RB1CC1: variants seen among roughly 807,000 people sequenced by gnomAD.
The protein encoded by RB1CC1 is RB1 inducible coiled-coil 1.
In RB1CC1, 46 loss-of-function variants were observed where a neutral mutation model predicts 177.5. That is an observed-to-expected ratio of 0.26 (90% CI 0.20 to 0.33). The LOEUF (loss-of-function observed/expected upper bound fraction) is 0.33. Ranked by LOEUF, RB1CC1 falls within the 10% of genes least tolerant of loss-of-function variation. The pLI is 1.00. For missense variants in RB1CC1, 1,703 were observed against 1,816.3 expected (o/e 0.94, Z 1.13); for synonymous variants, 666 against 613.6 (o/e 1.09, Z -1.26).
At chr8:52,695,025 A>G (rs1279011446) in intron 1 of RB1CC1, among the ~76,000 whole-genome samples, 1 of 152,200 alleles carries the variant, frequency 6.6e-6, no homozygotes, top group African/African-American at 2.4e-5. Context: ...CAATAGATAA[A>G]TAGGCAAAGG....
At chr8:52,686,149 G>A (rs533340201) in intron 2 of RB1CC1, 15 of 152,200 alleles carry the variant, frequency 9.9e-5, no homozygotes, top group South Asian at 2.1e-4. Flanking sequence ...AGTAGCAAGT[G>A]TACAGGTCTG....
At chr8:52,709,975 C>G (rs1484968407) in intron 1 of RB1CC1, among the ~76,000 whole-genome samples, 1 of 152,214 alleles carries the variant, frequency 6.6e-6, no homozygotes, top group Non-Finnish European at 1.5e-5. Context: ...CTAAAGTGGA[C>G]TAAAAGCTTC....
chr8:52,635,615 ATTTTTG>A (rs1233794210), intron 19 of RB1CC1, among the ~76,000 whole-genome samples: 4 of 152,080 alleles, frequency 2.6e-5, no homozygotes, highest in African/African-American at 9.6e-5. Flanking sequence ...TTCATTACTT[ATTTTTG>A]TTTTTGCCAA....
chr8:52,624,699 A>G lies in RB1CC1; in HGVS notation c.4707+18T>C. ...CTTTACAGTTCCCAGGCTTAGTATC[A>G]CATGATGTCGTTTTTACCTTTTTGG... is the stretch of plus-strand genomic sequence containing the variant. On this transcript the variant is annotated intron_variant, in intron 23 of 23. Transcript: ENST00000025008. 6.4e-7 allele frequency: 1 copy of G among 1,552,770 alleles called. No homozygotes were observed. Among genetic ancestry groups the G allele is most frequent in the Non-Finnish European group, 8.9e-7 (1 of 1,126,212 alleles).
Position 52,642,522 on chromosome 8 carries a change from A to ACTT in RB1CC1, c.4163_4165dup (p.Glu1388dup). 6.2e-7 allele frequency: 1 copy of ACTT among 1,614,004 alleles called. No individual in the cohort carries two copies. Among genetic ancestry groups the ACTT allele is most frequent in the Non-Finnish European group, 8.5e-7 (1 of 1,179,966 alleles). On this transcript the variant is annotated inframe_insertion, in exon 18 of 24. Coordinates refer to ENST00000025008, the MANE Select transcript of RB1CC1 (RefSeq NM_014781.5). ...AAAACTGCTACTACGCAACTTACTG[A>ACTT]CTTCTTCTTCAAGCTTTTTCTTTTC...
At chr8:52,645,381 C>T (rs1417525329) in intron 16 of RB1CC1, among the ~76,000 whole-genome samples, 1 of 152,100 alleles carries the variant, frequency 6.6e-6, no homozygotes, top group Non-Finnish European at 1.5e-5. Flanking sequence ...ATGATCTACC[C>T]AAGATCACAT....
intron 18 of RB1CC1, among the ~76,000 whole-genome samples, chr8:52,639,626 G>A (rs1456749549): frequency 6.6e-6 from 1 of 152,114 alleles, no homozygotes; most frequent in Non-Finnish European, 1.5e-5. Context: ...ATAAAAAGAA[G>A]TTCCCATCTA....
chr8:52,638,240 A>G (rs893874118), intron 18 of RB1CC1, among the ~76,000 whole-genome samples: 12 of 152,130 alleles, frequency 7.9e-5, no homozygotes, highest in Non-Finnish European at 1.8e-4. Flanking sequence ...TGAGATAATC[A>G]TGTGTTTTTC....
chr8:52,691,675 GCATCTTTAAT>G (rs1408265695), intron 1 of RB1CC1, among the ~76,000 whole-genome samples: 1 of 152,112 alleles, frequency 6.6e-6, no homozygotes, highest in East Asian at 1.9e-4. Context: ...CCTAAGACTG[GCATCTTTAAT>G]CAGAAGCCTC....
chr8:52,682,642 C>T (rs552038794), intron 5 of RB1CC1, among the ~76,000 whole-genome samples: 1 of 151,776 alleles, frequency 6.6e-6, no homozygotes, highest in South Asian at 2.1e-4. Context: ...TATCCTTTAA[C>T]TTATTTTCAT....
chr8:52,630,643 G>A lies in RB1CC1; in HGVS notation c.4441-115C>T. 2.0e-6 allele frequency: 2 copies of A among 1,002,156 alleles called. 1 individual carries two copies. Among genetic ancestry groups the A allele is most frequent in the Non-Finnish European group, 2.7e-6 (2 of 729,178 alleles). 62.1% of individuals were successfully genotyped at this position (1,002,156 alleles called of 1,614,324 possible). On this transcript the variant is annotated intron_variant, in intron 20 of 23. Transcript: ENST00000025008. ...TCAAGCCTGTGTCCAGCTTTAAAGAGCCCAAACTAATATAGTTCTTATGTT... is the reference window on the plus strand; with the variant it reads ...TCAAGCCTGTGTCCAGCTTTAAAGAACCCAAACTAATATAGTTCTTATGTT...
chr8:52,628,196 CTTAGAG>C, intron 21 of RB1CC1, 28 bp from the exon 22 acceptor site: 1 of 1,592,914 alleles, frequency 6.3e-7, no homozygotes, highest in Non-Finnish European at 8.6e-7. Flanking sequence ...ATTTTATTGA[CTTAGAG>C]TTACTTTCAA....
intron 8 of RB1CC1, among the ~76,000 whole-genome samples, chr8:52,664,693 C>G (rs1851921768): frequency 6.6e-6 from 1 of 152,052 alleles, no homozygotes; most frequent in Non-Finnish European, 1.5e-5. Context: ...GTTAAATGGT[C>G]AGATTTAGAA....
intron 6 of RB1CC1, 151 bp downstream of exon 6, chr8:52,676,218 C>T (rs1216798398): frequency 4.6e-6 from 3 of 648,568 alleles, no homozygotes; most frequent in Admixed American, 3.6e-5. Flanking sequence ...AAAACTATAA[C>T]CTACAAATCA....
intron 5 of RB1CC1, among the ~76,000 whole-genome samples, chr8:52,682,525 C>T (rs1363912470): frequency 6.6e-6 from 1 of 151,950 alleles, no homozygotes; most frequent in Admixed American, 6.6e-5. Context: ...TCCTGATATA[C>T]GTATTTCTGA....
Position 52,657,832 on chromosome 8 carries a change from G to A in RB1CC1, c.1997C>T (p.Thr666Ile). ...CAGTGGTGGAGGAGTTCTCGGTGAG[G>A]TAGTAGTTGTAATTCCTGCTGTACT... ...MESTAGITTT[T>I]SPRTPPPLTV... The change falls in exon 15 of 24, where the codon ACC (threonine) becomes ATC (isoleucine). Residue 666 changes from threonine to isoleucine, a missense_variant. By Grantham distance (89) the Thr-to-Ile change is moderately conservative. Around this residue, in one of 6 missense-constraint regions of RB1CC1, gnomAD observed 1,169 missense variants for 1,184.7 expected, o/e 0.99. Transcript: ENST00000025008. The A allele has an allele frequency of 6.2e-7, 1 of 1,613,994 alleles. No homozygotes were observed. Among genetic ancestry groups the A allele is most frequent in the Non-Finnish European group, 8.5e-7 (1 of 1,180,002 alleles).
In RB1CC1 at chr8:52,642,476, A is replaced by T; in HGVS notation, c.4212T>A (p.Ala1404=). ...AAGCTCCATAAAGTTCTGGGGCTGT[A>T]GCTACATATGGTGAAGGAACAAAAC... ...SSSFVPSPYV[A]TAPELYGACA... is the part of the protein sequence containing the mutation. Residue 1404 remains alanine (A), a synonymous_variant, in exon 18 of 24, where the codon GCT becomes GCA. Coordinates refer to ENST00000025008, the MANE Select transcript of RB1CC1 (RefSeq NM_014781.5). 1 of 1,614,114 alleles carries T rather than the reference A, an allele frequency of 6.2e-7. No individual in the cohort carries two copies. The highest frequency in any genetic ancestry group is 1.1e-5 in the South Asian group (1 of 91,088).
At position 52,642,768 on chromosome 8, in the gene RB1CC1, T is replaced by C. The variant is rs1227390854; in HGVS notation, c.4032A>G (p.Glu1344=). 3 of 1,578,566 alleles carry C rather than the reference T, an allele frequency of 1.9e-6. No individual in the cohort carries two copies. The African/African-American group carries it at 4.1e-5, about 22-fold the overall frequency. ...TVLTREKMRK[E]NIINDLSDKL... ...TATCACTAAGATCATTTATTATGTTTTCTTTTCTCATTTTCTCTCTTGTTA... is the reference window on the plus strand; with the variant it reads ...TATCACTAAGATCATTTATTATGTTCTCTTTTCTCATTTTCTCTCTTGTTA... The change falls in exon 17 of 24, where the codon GAA becomes GAG. Residue 1344 remains glutamate, a synonymous_variant. Transcript: ENST00000025008.
chr8:52,705,910 C>T (rs999882449), intron 1 of RB1CC1, among the ~76,000 whole-genome samples: 1 of 152,050 alleles, frequency 6.6e-6, no homozygotes, highest in Non-Finnish European at 1.5e-5. Context: ...TTGATCTATA[C>T]GTATTGATCA....
Sources: gnomAD v4.1 joint callset for allele counts (sites outside exome capture counted in the v4.1 genomes callset) on GRCh38, gnomAD v4.1.1 for gene constraint, gnomAD v4.1.1 regional missense constraint, MANE v1.5 for transcripts, NCBI Gene and HGNC (gene_info 2026-07-23, HGNC 2026-07-21) for gene names.